B9D1: variants seen among roughly 807,000 people sequenced by gnomAD.
B9D1 encodes B9 domain-containing protein 1.
B9D1 carries 20 observed loss-of-function variants against 26.1 expected under a neutral mutation model. That is an observed-to-expected ratio of 0.77 (90% CI 0.54 to 1.12). The LOEUF (loss-of-function observed/expected upper bound fraction) is 1.12, where lower values mean the gene tolerates loss of function less well. B9D1 is among the 50% of genes most tolerant of loss of function. B9D1 has a pLI of 0.00. For synonymous variants in B9D1, 105 were observed against 103.1 expected, an observed-to-expected ratio of 1.02 and a Z score of -0.11; for missense variants, 260 against 273.7, an observed-to-expected ratio of 0.95 and a Z score of 0.35.
upstream of B9D1, chr17:19,363,677 T>A (rs1434770550): frequency 6.6e-6 from 1 of 152,206 alleles, no homozygotes; most frequent in Non-Finnish European, 1.5e-5. Flanking sequence ...CACAGGTGTG[T>A]AGACTCCCGG....
chr17:19,338,756 A>G (rs1382127641), downstream of B9D1, among the ~76,000 whole-genome samples: 1 of 152,226 alleles, frequency 6.6e-6, no homozygotes, highest in Non-Finnish European at 1.5e-5. Flanking sequence ...AGTAGCCCCC[A>G]TGAGCCCCAG....
intron 1 of B9D1, among the ~76,000 whole-genome samples, chr17:19,376,465 A>G (rs985073498): frequency 1.3e-5 from 2 of 151,960 alleles, no homozygotes; most frequent in Non-Finnish European, 2.9e-5. Context: ...GGAGGCTTCA[A>G]CTGCATAATA....
At position 19,362,540 on chromosome 17, in the gene B9D1, T is replaced by A. The variant is rs781395275; in HGVS notation, c.30A>T (p.Leu10=). ...TCTCCACCTGCCCGTTGACCATGAG[T>A]AGAAAGACGCTAGGACTCGCGGTCG... is the stretch of plus-strand genomic sequence containing the variant. MATASPSVF[L]LMVNGQVESA... Residue 10 remains leucine (L), a synonymous_variant, in exon 1 of 7, where the codon CTA becomes CTT. Transcript: ENST00000261499. The A allele has an allele frequency of 6.3e-7, 1 of 1,587,480 alleles. No homozygotes were observed. The highest frequency in any genetic ancestry group is 1.1e-5 in the South Asian group (1 of 87,308).
downstream of B9D1, chr17:19,337,774 T>C (rs893060990): frequency 6.7e-6 from 10 of 1,497,098 alleles, no homozygotes; most frequent in Non-Finnish European, 9.0e-6. Context: ...TGGACAAGGG[T>C]CAAGCATAGA....
chr17:19,338,935 AATGG>A (rs1907681609), downstream of B9D1, among the ~76,000 whole-genome samples: 1 of 152,202 alleles, frequency 6.6e-6, no homozygotes, highest in Non-Finnish European at 1.5e-5. Context: ...GTTACACAGC[AATGG>A]ACAACTCAAG....
chr17:19,344,171 G>A (rs1219382116), intron 5 of B9D1, among the ~76,000 whole-genome samples: 1 of 152,188 alleles, frequency 6.6e-6, no homozygotes, highest in Non-Finnish European at 1.5e-5. Flanking sequence ...AGCTCAGGAA[G>A]ATTCTGGGGT....
intron 3 of B9D1, among the ~76,000 whole-genome samples, chr17:19,348,433 C>T (rs562798136): frequency 2.0e-5 from 3 of 152,324 alleles, no homozygotes; most frequent in African/African-American, 7.2e-5. Context: ...ACTTTCACCT[C>T]GCCAGTTTCA....
At chr17:19,368,569 A>T (rs1455093981) in intron 1 of B9D1, among the ~76,000 whole-genome samples, 1 of 152,206 alleles carries the variant, frequency 6.6e-6, no homozygotes, top group African/African-American at 2.4e-5. Context: ...AGATGATGAC[A>T]TGATTGGAGT....
intron 3 of B9D1, 176 bp downstream of exon 3, chr17:19,357,664 T>C (rs780952914): frequency 1.2e-5 from 8 of 654,868 alleles, no homozygotes; most frequent in Non-Finnish European, 2.0e-5. Context: ...TGAGTGGGGA[T>C]GAGGAAGAAG....
rs1911275527 is a variant in B9D1, at chr17:19,362,617, G to A, written c.-48C>T. 6.4e-7 allele frequency: 1 copy of A among 1,570,302 alleles called. No individual in the cohort carries two copies. The highest frequency in any genetic ancestry group is 1.9e-5 in the Admixed American group (1 of 53,856). On this transcript the variant is annotated 5_prime_UTR_variant, in exon 1 of 7. Transcript: ENST00000261499. ...GGACCCACCTAGGCCGCGCGCGGTTGCTAAGAGACGCCGGCGTTGCCCTAG... is the reference window on the plus strand; with the variant it reads ...GGACCCACCTAGGCCGCGCGCGGTTACTAAGAGACGCCGGCGTTGCCCTAG...
At chr17:19,376,647 A>AG (rs1912132901) in intron 1 of B9D1, among the ~76,000 whole-genome samples, 1 of 146,440 alleles carries the variant, frequency 6.8e-6, no homozygotes, top group Non-Finnish European at 1.5e-5. Flanking sequence ...AAAAAAAAAA[A>AG]AAAAGCCGGG....
At chr17:19,374,667 A>C (rs1912028837) in intron 1 of B9D1, among the ~76,000 whole-genome samples, 1 of 152,212 alleles carries the variant, frequency 6.6e-6, no homozygotes, top group Non-Finnish European at 1.5e-5. Context: ...TCTTGGTTAA[A>C]TAGGTTATAT....
At chr17:19,346,784 C>T (rs966643130) in intron 5 of B9D1, among the ~76,000 whole-genome samples, 2 of 152,196 alleles carry the variant, frequency 1.3e-5, no homozygotes, top group Non-Finnish European at 2.9e-5. Context: ...GCTAAGCTCA[C>T]GCTCTCCTCA....
chr17:19,337,498 C>A, downstream of B9D1: 1 of 516,708 alleles, frequency 1.9e-6, no homozygotes, highest in Non-Finnish European at 3.5e-6. Flanking sequence ...TCCTGGTGTC[C>A]ACCCAAGGAT....
At chr17:19,366,666 T>C (rs1911606403), upstream of B9D1, among the ~76,000 whole-genome samples, 1 of 152,214 alleles carries the variant, frequency 6.6e-6, no homozygotes, top group Non-Finnish European at 1.5e-5. Context: ...ATCATTTCTC[T>C]CAAAGGCCTT....
chr17:19,346,322 G>A (rs535401390), intron 5 of B9D1, among the ~76,000 whole-genome samples: 3 of 152,316 alleles, frequency 2.0e-5, no homozygotes, highest in African/African-American at 4.8e-5. Flanking sequence ...TCCCCTCCAC[G>A]GCTCTCAGAG....
chr17:19,346,920 G>C, intron 5 of B9D1: 1 of 1,450,126 alleles, frequency 6.9e-7, no homozygotes, highest in East Asian at 2.5e-5. Context: ...CATGATTACT[G>C]TTCCAAGGTG....
upstream of B9D1, among the ~76,000 whole-genome samples, chr17:19,367,279 A>G (rs992723307): frequency 6.7e-6 from 1 of 148,924 alleles, no homozygotes; most frequent in Non-Finnish European, 1.5e-5. Flanking sequence ...TTATTTTTTG[A>G]GAGGAAGTTC....
chr17:19,351,778 A>G (rs2152267434), intron 3 of B9D1, among the ~76,000 whole-genome samples: 1 of 152,282 alleles, frequency 6.6e-6, no homozygotes, highest in South Asian at 2.1e-4. Context: ...CATTTCATCT[A>G]CCTTGCCAAA....
Sources: gnomAD v4.1 joint callset for allele counts (sites outside exome capture counted in the v4.1 genomes callset) on GRCh38, gnomAD v4.1.1 for gene constraint, MANE v1.5 for transcripts, NCBI Gene and HGNC (gene_info 2026-07-23, HGNC 2026-07-21) for gene names.